Variants in OR51B5 observed in about 807,000 individuals in gnomAD.
OR51B5 encodes the protein olfactory receptor 51B5.
For synonymous variants in OR51B5, 186 were observed against 144.8 expected (o/e 1.28, Z -2.04); for missense variants, 456 against 374.6 (o/e 1.22, Z -1.79).
intron 1 of OR51B5, among the ~76,000 whole-genome samples, chr11:5,354,104 A>T (rs1849148389): frequency 6.6e-6 from 1 of 152,222 alleles, no homozygotes; most frequent in Non-Finnish European, 1.5e-5. Flanking sequence ...ATTTTTCATT[A>T]AAATGAATAA....
At chr11:5,455,609 G>A (rs997549374) in intron 1 of OR51B5, 2 of 148,444 alleles carry the variant, frequency 1.3e-5, no homozygotes, top group African/African-American at 2.5e-5. Flanking sequence ...AAAAGAGAAA[G>A]AGAAAGAGAG....
intron 1 of OR51B5, among the ~76,000 whole-genome samples, chr11:5,372,752 T>A (rs951571660): frequency 1.3e-5 from 2 of 152,236 alleles, no homozygotes; most frequent in Non-Finnish European, 2.9e-5. Context: ...AATATTTAGT[T>A]TGATGTTGCT....
chr11:5,423,443 G>C (rs370770127), intron 1 of OR51B5, among the ~76,000 whole-genome samples: 1 of 152,086 alleles, frequency 6.6e-6, no homozygotes, highest in African/African-American at 2.4e-5. Flanking sequence ...CTTTCTTTCT[G>C]GATATTTTTC....
At chr11:5,448,112 A>T (rs1235460689) in intron 1 of OR51B5, among the ~76,000 whole-genome samples, 2 of 152,220 alleles carry the variant, frequency 1.3e-5, no homozygotes, top group Non-Finnish European at 2.9e-5. Context: ...GTTGCTGCCT[A>T]CAATGATACC....
At chr11:5,426,679 GC>G (rs1850455040) in intron 1 of OR51B5, among the ~76,000 whole-genome samples, 1 of 152,074 alleles carries the variant, frequency 6.6e-6, no homozygotes, top group South Asian at 2.1e-4. Flanking sequence ...CATGTTGAGT[GC>G]TTTAAATTAA....
chr11:5,477,820 G>A (rs449460), intron 1 of OR51B5, among the ~76,000 whole-genome samples: 17,728 of 152,154 alleles, frequency 0.12, 1,110 homozygotes, highest in East Asian at 0.21. Context: ...AAAAAACGGC[G>A]CACCATGAGA....
chr11:5,360,281 C>G (rs1437967048), intron 1 of OR51B5, among the ~76,000 whole-genome samples: 2 of 151,916 alleles, frequency 1.3e-5, no homozygotes, highest in African/African-American at 4.8e-5. Flanking sequence ...CTATGATGAA[C>G]TCAAACAAAT....
At chr11:5,498,222 C>A (rs920455524) in intron 1 of OR51B5, among the ~76,000 whole-genome samples, 5 of 152,290 alleles carry the variant, frequency 3.3e-5, no homozygotes, top group Middle Eastern at 3.4e-3. Flanking sequence ...CTTCCCTAAA[C>A]CCCTTAGCTA....
intron 1 of OR51B5, among the ~76,000 whole-genome samples, chr11:5,420,621 C>A (rs140274574): frequency 6.9e-4 from 104 of 150,034 alleles, no homozygotes; most frequent in Non-Finnish European, 1.4e-3. Context: ...ACTTGTCTTT[C>A]TCTGTGATTC....
chr11:5,477,732 A>G (rs1851335579), intron 1 of OR51B5, among the ~76,000 whole-genome samples: 1 of 152,070 alleles, frequency 6.6e-6, no homozygotes. Flanking sequence ...TCCCTTTCCG[A>G]GTCAAAGAAA....
intron 1 of OR51B5, among the ~76,000 whole-genome samples, chr11:5,410,924 C>T (rs1346802883): frequency 1.5e-5 from 2 of 135,202 alleles, no homozygotes; most frequent in Admixed American, 1.6e-4. Flanking sequence ...TACCACTGTA[C>T]AATGCATTCA....
intron 1 of OR51B5, among the ~76,000 whole-genome samples, chr11:5,446,024 A>T (rs1404511624): frequency 2.0e-5 from 3 of 152,078 alleles, no homozygotes; most frequent in African/African-American, 7.2e-5. Flanking sequence ...CAAACACCGC[A>T]TGTTCTCACT....
intron 1 of OR51B5, among the ~76,000 whole-genome samples, chr11:5,465,939 A>G (rs1590013042): frequency 6.6e-6 from 1 of 151,256 alleles, no homozygotes; most frequent in East Asian, 1.9e-4. Flanking sequence ...AATGGCAACA[A>G]AAGACAAAAT....
chr11:5,422,113 G>T, intron 1 of OR51B5: 1 of 1,028,366 alleles, frequency 9.7e-7, no homozygotes, highest in Non-Finnish European at 1.4e-6. Context: ...TGTAGAATTT[G>T]GATTAAATGG....
chr11:5,343,388 A>G, exon 1 of OR51B5: 1 of 1,613,924 alleles, frequency 6.2e-7, no homozygotes, highest in South Asian at 1.1e-5. Context: ...TTCCTTAATG[A>G]GAAGAAGGAG....
intron 1 of OR51B5, among the ~76,000 whole-genome samples, chr11:5,459,090 T>G (rs1401707767): frequency 6.6e-6 from 1 of 152,234 alleles, no homozygotes; most frequent in Non-Finnish European, 1.5e-5. Flanking sequence ...GCTGTTAGTT[T>G]CTCATAGACA....
At chr11:5,396,473 AT>A (rs1220867000) in intron 1 of OR51B5, among the ~76,000 whole-genome samples, 1 of 152,162 alleles carries the variant, frequency 6.6e-6, no homozygotes, top group East Asian at 1.9e-4. Flanking sequence ...TTCAGAGAGA[AT>A]ATAATACCTA....
intron 1 of OR51B5, among the ~76,000 whole-genome samples, chr11:5,471,753 G>C (rs140754498): frequency 1.3e-5 from 2 of 151,998 alleles, no homozygotes; most frequent in African/African-American, 4.8e-5. Context: ...AGCTCCCCTA[G>C]CATCTAATAA....
chr11:5,502,159 G>A (rs1297794710), intron 1 of OR51B5, among the ~76,000 whole-genome samples: 1 of 152,054 alleles, frequency 6.6e-6, no homozygotes, highest in African/African-American at 2.4e-5. Context: ...ATGACTACAG[G>A]GGTCTTCAGA....
Sources: gnomAD v4.1 joint callset for allele counts (sites outside exome capture counted in the v4.1 genomes callset) on GRCh38, gnomAD v4.1.1 for gene constraint, MANE v1.5 for transcripts, NCBI Gene and HGNC (gene_info 2026-07-23, HGNC 2026-07-21) for gene names.